The following ZFX variants were observed in gnomAD, a reference collection of about 807,000 sequenced individuals.
ZFX encodes zinc finger X-chromosomal protein.
For missense variants in ZFX, 362 were observed against 628.3 expected, an observed-to-expected ratio of 0.58 and a Z score of 4.53; for synonymous variants, 196 against 226.8, an observed-to-expected ratio of 0.86 and a Z score of 1.22.
At chrX:24,173,114 CTTTG>C (rs1156808837) in intron 4 of ZFX, among the ~76,000 whole-genome samples, 1 of 111,490 alleles carries the variant, frequency 9.0e-6, no homozygotes, top group Non-Finnish European at 1.9e-5. Context: ...TCCTTGTTAG[CTTTG>C]TTTGGACCTT....
rs143339469 is a variant in ZFX, at chrX:24,204,112, T to A, written c.647-3214T>A. On this transcript the variant is annotated intron_variant, in intron 5 of 9. Transcript: ENST00000304543. ...ATCAAAAATAGACCAAAACAACAAC[T>A]GCTTTCAGTGACCCAGAGTTTGGGA... is the stretch of plus-strand genomic sequence containing the variant. Among the ~76,000 whole-genome samples, 4 of 112,278 alleles carry A rather than the reference T, an allele frequency of 3.6e-5. No homozygotes were observed. In the East Asian group the frequency reaches 1.1e-3, roughly 31 times the overall value.
chrX:24,173,752 TGTA>T, intron 4 of ZFX: 1 of 449,924 alleles, frequency 2.2e-6, no homozygotes. Context: ...GGCTAACTTT[TGTA>T]TTTTTTTTTT....
chrX:24,189,266 A>T (rs1936374417), intron 5 of ZFX, among the ~76,000 whole-genome samples: 1 of 112,082 alleles, frequency 8.9e-6, no homozygotes, highest in Non-Finnish European at 1.9e-5. Flanking sequence ...TTTCCAGCTT[A>T]TGCAACTGGG....
Position 24,179,366 on chromosome X carries a change from T to C in ZFX, c.242T>C (p.Ile81Thr), listed in dbSNP as rs752932340. 3 of 1,212,179 alleles carry C rather than the reference T, an allele frequency of 2.5e-6. No individual in the cohort carries two copies. Among genetic ancestry groups the C allele is most frequent in the Admixed American group, 2.2e-5 (1 of 46,075 alleles). Reference sequence around the variant, plus strand: ...ATAGAAGATGTTCAGTGCCCAGATATCATGGAAGAAGCAGATGTGTCTGAA... The same window carrying C: ...ATAGAAGATGTTCAGTGCCCAGATACCATGGAAGAAGCAGATGTGTCTGAA... ...VVIEDVQCPD[I>T]MEEADVSETV... Residue 81 changes from isoleucine to threonine, a missense_variant, in exon 5 of 10, where the codon ATC (isoleucine) becomes ACC (threonine). Transcript: ENST00000304543.
At chrX:24,170,608 A>ATTTT (rs1217226048) in intron 3 of ZFX, among the ~76,000 whole-genome samples, 2 of 85,954 alleles carry the variant, frequency 2.3e-5, no homozygotes, top group Non-Finnish European at 2.3e-5. Context: ...TTTTTCTTTA[A>ATTTT]TTTTTTTTTT....
At chrX:24,169,701 G>C (rs1279079606) in intron 3 of ZFX, among the ~76,000 whole-genome samples, 2 of 110,948 alleles carry the variant, frequency 1.8e-5, no homozygotes, top group African/African-American at 6.6e-5. Context: ...TCAGGAGAAG[G>C]CTGGGTTTTA....
chrX:24,156,286 G>A (rs1269497537), intron 3 of ZFX, among the ~76,000 whole-genome samples: 1 of 111,857 alleles, frequency 8.9e-6, no homozygotes, highest in East Asian at 2.8e-4. Flanking sequence ...TTTTAGCTCT[G>A]TTTGTGGAAA....
chrX:24,182,474 G>A (rs1454957402), intron 5 of ZFX, among the ~76,000 whole-genome samples: 1 of 111,589 alleles, frequency 9.0e-6, no homozygotes, highest in African/African-American at 3.3e-5. Context: ...ACACTGTTAA[G>A]GATAGAGTTT....
In ZFX at chrX:24,150,921, T is replaced by C. The variant is rs1446268548; in HGVS notation, c.-249-770T>C. 3 of 112,534 alleles carry C rather than the reference T, an allele frequency of 2.7e-5. No homozygotes were observed. In the Admixed American group the frequency reaches 2.8e-4, roughly 11 times the overall value. The allele number at this position is 112,534 out of a possible 1,213,427, so 9.3% of individuals were successfully genotyped here. A position where few individuals can be genotyped will look rare whatever the true frequency, so the allele number is the denominator to read the frequency against. On this transcript the variant is annotated intron_variant, in intron 1 of 9. Coordinates refer to ENST00000304543, the MANE Select transcript of ZFX (RefSeq NM_003410.4). ...ATTTTGAATCATTCGTACTCATTTA[T>C]GTGGAAACAACTTTCTTGAAAAACG...
chrX:24,193,096 C>T (rs1439107049), intron 5 of ZFX, among the ~76,000 whole-genome samples: 1 of 110,926 alleles, frequency 9.0e-6, no homozygotes, highest in East Asian at 2.8e-4. Flanking sequence ...AGATGTAAAA[C>T]CAGATGGGCC....
At chrX:24,190,317 A>T (rs1414400922) in intron 5 of ZFX, among the ~76,000 whole-genome samples, 1 of 111,860 alleles carries the variant, frequency 8.9e-6, no homozygotes, top group African/African-American at 3.2e-5. Flanking sequence ...GCTTTTTCAG[A>T]TAAAATTCGA....
rs1207078428 is a variant in ZFX at position 24,151,983 on chromosome X, T to C, written c.-140+183T>C. ...GCTGCTCCTTTTTTCTATCCTGATT[T>C]CTCATCCGAAATAATCTTTTGCTCA... On this transcript the variant is annotated intron_variant, in intron 2 of 9. Coordinates refer to ENST00000304543, the MANE Select transcript of ZFX (RefSeq NM_003410.4). Among the ~76,000 whole-genome samples the C allele has an allele frequency of 3.6e-5, 4 of 112,028 alleles. No homozygotes were observed. In the East Asian group the frequency reaches 1.1e-3, roughly 31 times the overall value.
At chrX:24,182,754 T>G (rs752147570) in intron 5 of ZFX, among the ~76,000 whole-genome samples, 1 of 110,719 alleles carries the variant, frequency 9.0e-6, no homozygotes, top group Non-Finnish European at 1.9e-5. Flanking sequence ...TGAACATGTT[T>G]ATAGACTTAA....
intron 5 of ZFX, among the ~76,000 whole-genome samples, chrX:24,197,895 G>A (rs1937023787): frequency 8.9e-6 from 1 of 111,937 alleles, no homozygotes; most frequent in African/African-American, 3.2e-5. Flanking sequence ...ACATTTTCAA[G>A]TATTCAGGAA....
intron 3 of ZFX, among the ~76,000 whole-genome samples, chrX:24,164,013 C>T (rs893102160): frequency 9.7e-6 from 1 of 102,694 alleles, no homozygotes; most frequent in Non-Finnish European, 2.0e-5. Context: ...TATGTTTGTG[C>T]TTTCTCCCAG....
At chrX:24,208,451 C>T (rs1441065749) in intron 8 of ZFX, 81 bp downstream of exon 8, 1 of 1,123,208 alleles carries the variant, frequency 8.9e-7, no homozygotes. Flanking sequence ...TTTCTGTGGT[C>T]TTAGGTTTCA....
intron 3 of ZFX, among the ~76,000 whole-genome samples, chrX:24,159,286 G>A (rs1298641092): frequency 8.9e-6 from 1 of 112,208 alleles, no homozygotes; most frequent in Non-Finnish European, 1.9e-5. Flanking sequence ...TACAGCGTGG[G>A]TCCTACATTT....
At chrX:24,156,893 A>G (rs934516527) in intron 3 of ZFX, among the ~76,000 whole-genome samples, 4 of 111,172 alleles carry the variant, frequency 3.6e-5, no homozygotes, top group African/African-American at 1.3e-4. Flanking sequence ...TGACCTCATG[A>G]TCTGCCCACC....
chrX:24,206,932 T>C (rs778807546), intron 5 of ZFX, among the ~76,000 whole-genome samples: 1 of 111,067 alleles, frequency 9.0e-6, no homozygotes, highest in South Asian at 3.8e-4. Flanking sequence ...AAGTTAGAGA[T>C]TATATTTGTA....
Sources: gnomAD v4.1 joint callset for allele counts (sites outside exome capture counted in the v4.1 genomes callset) on GRCh38, gnomAD v4.1.1 for gene constraint, MANE v1.5 for transcripts, NCBI Gene and HGNC (gene_info 2026-07-23, HGNC 2026-07-21) for gene names.